Variants in IPO11 observed in about 807,000 individuals in gnomAD.
IPO11 encodes the protein importin 11, also known as importin-11.
IPO11 carries 66 observed loss-of-function variants against 143.2 expected under a neutral mutation model. That is an observed-to-expected ratio of 0.46 (90% confidence interval 0.38 to 0.57). IPO11 has a LOEUF of 0.57. Among genes scored for constraint, IPO11 ranks in the 20% least tolerant of loss-of-function variants. IPO11 has a pLI of 0.00. For synonymous variants in IPO11, 385 were observed against 377.8 expected, an observed-to-expected ratio of 1.02 and a Z score of -0.22; for missense variants, 1,026 against 1,141.0, an observed-to-expected ratio of 0.90 and a Z score of 1.45.
chr5:62,561,171 G>A lies in IPO11; in HGVS notation c.2496G>A (p.Trp832Ter), dbSNP rs1464126931. Residue 832 changes from tryptophan (W) to a stop codon, truncating the protein, a stop_gained, in exon 27 of 30, where the codon TGG becomes TGA. Transcript: ENST00000325324. LOFTEE classifies it high-confidence loss of function. Reference sequence around the variant, plus strand: ...TTTTGGGAAATATGATTGAAATGTGGGTTGATCGAATGGACAACATTACCC... The same window carrying A: ...TTTTGGGAAATATGATTGAAATGTGAGTTGATCGAATGGACAACATTACCC... The part of the protein sequence containing the change: ...DQLLGNMIEM[W>*]VDRMDNITQP... 5 of 1,609,708 alleles carry A rather than the reference G, an allele frequency of 3.1e-6. No homozygotes were observed. The highest frequency in any genetic ancestry group is 4.2e-6 in the Non-Finnish European group (5 of 1,178,028).
Position 62,570,224 on chromosome 5 carries a change from T to G in IPO11, c.2582+8967T>G, listed in dbSNP as rs527277835. On this transcript the variant is annotated intron_variant, in intron 27 of 29. Coordinates refer to ENST00000325324, the MANE Select transcript of IPO11 (RefSeq NM_016338.5). ...ATGATTAATTCCTTGGCTTACTGAT[T>G]TTTCATTGAAGGGTTATAATCATTT... is the stretch of plus-strand genomic sequence containing the variant. Among the ~76,000 whole-genome samples the G allele has an allele frequency of 1.1e-3, 166 of 152,166 alleles. 2 individuals carry two copies. Among genetic ancestry groups the G allele is most frequent in the Non-Finnish European group, 1.3e-3 (91 of 68,016 alleles).
intron 29 of IPO11, among the ~76,000 whole-genome samples, chr5:62,611,536 A>G (rs894557132): frequency 2.0e-5 from 3 of 152,210 alleles, no homozygotes; most frequent in Non-Finnish European, 4.4e-5. Flanking sequence ...TGAGATTTCA[A>G]ATTAATTGCC....
Position 62,476,720 on chromosome 5 carries a change from A to G in IPO11, c.795A>G (p.Arg265=). The part of the protein sequence containing the change: ...SIGTDNVCRD[R]LEKTIILFTK... Reference sequence around the variant, plus strand: ...GTACAGATAATGTGTGTAGAGATAGACTGGAAAAGACCATCATTCTTTTTA... The same window carrying G: ...GTACAGATAATGTGTGTAGAGATAGGCTGGAAAAGACCATCATTCTTTTTA... Residue 265 remains arginine, a synonymous_variant, in exon 9 of 30, where the codon AGA becomes AGG. Coordinates refer to ENST00000325324, the MANE Select transcript of IPO11 (RefSeq NM_016338.5). 1.3e-6 allele frequency: 2 copies of G among 1,518,760 alleles called. No individual in the cohort carries two copies. The highest frequency in any genetic ancestry group is 1.8e-6 in the Non-Finnish European group (2 of 1,131,448). The allele number at this position is 1,518,760 out of a possible 1,614,324, so 94.1% of individuals were successfully genotyped here.
intron 27 of IPO11, among the ~76,000 whole-genome samples, chr5:62,584,415 T>A (rs953445710): frequency 1.3e-5 from 2 of 151,886 alleles, no homozygotes; most frequent in Non-Finnish European, 2.9e-5. Context: ...CTGGGCAATA[T>A]GGTGAAACCC....
intron 29 of IPO11, among the ~76,000 whole-genome samples, chr5:62,622,152 G>A (rs1746400817): frequency 6.6e-6 from 1 of 152,068 alleles, no homozygotes; most frequent in Non-Finnish European, 1.5e-5. Context: ...TTCTTGAGAG[G>A]TTAGGCCTCA....
At chr5:62,467,298 G>T in intron 6 of IPO11, 35 bp downstream of exon 6, 1 of 1,594,046 alleles carries the variant, frequency 6.3e-7, no homozygotes, top group Non-Finnish European at 8.5e-7. Context: ...TTTTTGAAAT[G>T]AGATACCTCA....
At chr5:62,505,857 T>C (rs529515712) in intron 18 of IPO11, among the ~76,000 whole-genome samples, 10 of 152,166 alleles carry the variant, frequency 6.6e-5, no homozygotes, top group Admixed American at 3.9e-4. Flanking sequence ...AATGAGTAGG[T>C]CTTGCAAAAC....
At chr5:62,513,500 G>A (rs1356704141) in intron 19 of IPO11, among the ~76,000 whole-genome samples, 30 of 123,458 alleles carry the variant, frequency 2.4e-4, no homozygotes, top group African/African-American at 8.7e-4. Context: ...GGGCAGAGGC[G>A]CCCCTCACCT....
chr5:62,523,000 CCT>C (rs1011611228), intron 20 of IPO11, among the ~76,000 whole-genome samples: 7 of 152,184 alleles, frequency 4.6e-5, no homozygotes, highest in African/African-American at 1.7e-4. Flanking sequence ...CACACACACA[CCT>C]CTCAAAATAC....
intron 8 of IPO11, among the ~76,000 whole-genome samples, chr5:62,476,244 G>A (rs964330600): frequency 6.6e-6 from 1 of 152,130 alleles, no homozygotes; most frequent in African/African-American, 2.4e-5. Flanking sequence ...TAGCTGATGA[G>A]CTGGTGGACA....
intron 27 of IPO11, among the ~76,000 whole-genome samples, chr5:62,573,138 C>T (rs1376854967): frequency 6.6e-6 from 1 of 152,074 alleles, no homozygotes; most frequent in East Asian, 1.9e-4. Context: ...GCTCTGCCTC[C>T]CGGCTTGTAG....
chr5:62,620,307 CAGG>C (rs1344424880), intron 29 of IPO11, among the ~76,000 whole-genome samples: 8 of 152,102 alleles, frequency 5.3e-5, no homozygotes, highest in Non-Finnish European at 1.0e-4. Context: ...ATCACGAGGT[CAGG>C]AGATTGAGAC....
At chr5:62,571,092 C>T (rs1244894952) in intron 27 of IPO11, among the ~76,000 whole-genome samples, 2 of 152,060 alleles carry the variant, frequency 1.3e-5, no homozygotes. Context: ...CTAGTTTTAC[C>T]CATGTAGATG....
At chr5:62,443,109 C>T (rs772131759) in intron 3 of IPO11, 26 bp downstream of exon 3, 9 of 1,423,158 alleles carry the variant, frequency 6.3e-6, no homozygotes, top group African/African-American at 1.4e-5. Flanking sequence ...TCCCCTATTC[C>T]TTGAGTATAA....
At chr5:62,515,824 A>T (rs1281643977) in intron 20 of IPO11, among the ~76,000 whole-genome samples, 1 of 152,086 alleles carries the variant, frequency 6.6e-6, no homozygotes. Context: ...AACATACTTA[A>T]TGTTTTCACT....
chr5:62,437,625 G>A (rs1180344371), intron 2 of IPO11, among the ~76,000 whole-genome samples: 1 of 152,160 alleles, frequency 6.6e-6, no homozygotes, highest in Non-Finnish European at 1.5e-5. Context: ...CTAGGTATAT[G>A]TAGCATCTGC....
intron 27 of IPO11, chr5:62,579,703 T>C: frequency 6.5e-7 from 1 of 1,548,626 alleles, no homozygotes; most frequent in Middle Eastern, 1.7e-4. Flanking sequence ...TCTTGTAGCA[T>C]TGTATTTGGA....
At chr5:62,446,456 GTC>G (rs774861917) in intron 3 of IPO11, among the ~76,000 whole-genome samples, 1 of 152,166 alleles carries the variant, frequency 6.6e-6, no homozygotes, top group East Asian at 1.9e-4. Flanking sequence ...TCAGCACTTG[GTC>G]TGATCTTTCA....
At chr5:62,439,337 A>G (rs946351933) in intron 2 of IPO11, among the ~76,000 whole-genome samples, 2 of 117,658 alleles carry the variant, frequency 1.7e-5, no homozygotes, top group Non-Finnish European at 3.2e-5. Context: ...CACAGGCTGG[A>G]GTGCAGTGGG....
Sources: allele counts gnomAD v4.1 joint callset (sites outside exome capture counted in the v4.1 genomes callset), GRCh38; gene constraint gnomAD v4.1.1; transcripts MANE v1.5; gene names NCBI Gene and HGNC (gene_info 2026-07-23, HGNC 2026-07-21).